Variants in HFM1 observed in about 807,000 individuals in gnomAD.
HFM1 encodes the protein helicase for meiosis 1, also known as probable ATP-dependent DNA helicase HFM1.
Under a neutral mutation model 192.1 loss-of-function variants are expected in HFM1, and 169 were observed. The observed-to-expected ratio is 0.88, with a 90% CI of 0.78 to 1.00. The LOEUF is 1.00. HFM1 is among the 50% of genes least tolerant of loss of function. The pLI, the probability that HFM1 is intolerant of heterozygous loss-of-function variation, is 0.00. For synonymous variants in HFM1, 525 were observed against 537.8 expected (o/e 0.98, Z 0.33); for missense variants, 1,661 against 1,668.0 (o/e 1.00, Z 0.07).
chr1:91,270,544 G>T (rs1227163154), intron 34 of HFM1, among the ~76,000 whole-genome samples: 2 of 150,312 alleles, frequency 1.3e-5, no homozygotes, highest in Non-Finnish European at 3.0e-5. Flanking sequence ...GGGTGATACT[G>T]TATAGGAAAA....
chr1:91,324,743 A>G lies in HFM1; in HGVS notation c.2359T>C (p.Tyr787His). Residue 787 changes from tyrosine (Y) to histidine (H), a missense_variant, in exon 21 of 39, where the codon TAT becomes CAT. By Grantham distance (83) the Tyr-to-His change is moderately conservative (BLOSUM62 2). Transcript: ENST00000370425. ...PTEAGRLMAWYYITFETVKKF... is the reference protein window; with the variant it reads ...PTEAGRLMAWHYITFETVKKF... Reference sequence around the variant, plus strand: ...TTCACTGTCTCAAATGTAATATAATACCAAGCCATCAATCTTCCTGCTTCT... The same window carrying G: ...TTCACTGTCTCAAATGTAATATAATGCCAAGCCATCAATCTTCCTGCTTCT... The G allele has an allele frequency of 6.4e-7, 1 of 1,571,852 alleles. No individual in the cohort carries two copies. The highest frequency in any genetic ancestry group is 8.8e-7 in the Non-Finnish European group (1 of 1,141,912).
chr1:91,379,658 C>T (rs529005394), intron 8 of HFM1, among the ~76,000 whole-genome samples: 2 of 120,374 alleles, frequency 1.7e-5, no homozygotes, highest in Admixed American at 8.4e-5. Context: ...GAAATGATTT[C>T]TCAGGCAAGT....
intron 23 of HFM1, among the ~76,000 whole-genome samples, chr1:91,320,502 C>A (rs1022259668): frequency 6.6e-6 from 1 of 152,046 alleles, no homozygotes; most frequent in Admixed American, 6.6e-5. Flanking sequence ...GTTAAGCTAC[C>A]TAGAGATGCA....
At position 91,328,345 on chromosome 1, in the gene HFM1, T is replaced by G. The variant is rs1416238971; in HGVS notation, c.2336-3579A>C. ...TCAAGCTTTAGCCGCCGAGGCCTCG[T>G]GTCCCAAAGGCCAGTCATCCCTCCT... On this transcript the variant is annotated intron_variant, in intron 20 of 38. Coordinates refer to ENST00000370425, the MANE Select transcript of HFM1 (RefSeq NM_001017975.6). 18 of 1,526,632 alleles carry G rather than the reference T, an allele frequency of 1.2e-5. No homozygotes were observed. The South Asian group carries it at 2.3e-4, about 20-fold the overall frequency. The allele number at this position is 1,526,632 out of a possible 1,614,324, so 94.6% of individuals were successfully genotyped here. A position where few individuals can be genotyped will look rare whatever the true frequency, so the allele number is the denominator to read the frequency against.
intron 13 of HFM1, among the ~76,000 whole-genome samples, chr1:91,370,158 G>C (rs1659968810): frequency 1.3e-5 from 2 of 152,104 alleles, no homozygotes; most frequent in African/African-American, 4.8e-5. Context: ...TTCTACCAGA[G>C]GTACAAGGAG....
At chr1:91,387,114 T>A (rs1662300144) in intron 4 of HFM1, among the ~76,000 whole-genome samples, 1 of 152,184 alleles carries the variant, frequency 6.6e-6, no homozygotes, top group Admixed American at 6.5e-5. Flanking sequence ...AATAAAACAT[T>A]CACATCTTAT....
At chr1:91,318,349 T>A (rs1348527359) in intron 25 of HFM1, among the ~76,000 whole-genome samples, 1 of 152,084 alleles carries the variant, frequency 6.6e-6, no homozygotes, top group Non-Finnish European at 1.5e-5. Context: ...TAACAAAACA[T>A]CCCTAAAAAT....
intron 38 of HFM1, chr1:91,261,630 G>C: frequency 4.6e-6 from 1 of 217,218 alleles, no homozygotes; most frequent in Non-Finnish European, 9.0e-6. Context: ...GAATGGCCTG[G>C]TCCAAGGGAA....
At chr1:91,367,204 C>T (rs544596515) in intron 13 of HFM1, among the ~76,000 whole-genome samples, 121 of 152,316 alleles carry the variant, frequency 7.9e-4, no homozygotes, top group African/African-American at 2.6e-3. Context: ...AAACAAAAGG[C>T]AGCAGAAACC....
At chr1:91,391,126 T>G (rs1662930395) in intron 4 of HFM1, among the ~76,000 whole-genome samples, 1 of 152,094 alleles carries the variant, frequency 6.6e-6, no homozygotes, top group Non-Finnish European at 1.5e-5. Context: ...GGAAGAACAT[T>G]CCATGCTCAT....
rs569126308 is a variant in HFM1 at position 91,343,338 on chromosome 1, G to A, written c.2335+92C>T. The A allele has an allele frequency of 6.0e-5, 32 of 532,610 alleles. 1 individual carries two copies. The South Asian group carries it at 6.5e-4, about 11-fold the overall frequency. 33.0% of individuals were successfully genotyped at this position (532,610 alleles called of 1,614,324 possible). On this transcript the variant is annotated intron_variant, in intron 20 of 38. Coordinates refer to ENST00000370425, the MANE Select transcript of HFM1 (RefSeq NM_001017975.6). ...TGTTGAGAACTGAGATCACAATTTA[G>A]TTTTATCACCATCTAAATTTTAGTA...
Position 91,274,720 on chromosome 1 carries a change from A to G in HFM1, c.3668+10T>C. ...ATATTTTACCTTAGATATTAACATTATATTTGTACCTTGATATACTAGGAA... is the reference window on the plus strand; with the variant it reads ...ATATTTTACCTTAGATATTAACATTGTATTTGTACCTTGATATACTAGGAA... On this transcript the variant is annotated intron_variant, in intron 33 of 38. Transcript: ENST00000370425. 7.5e-7 allele frequency: 1 copy of G among 1,338,638 alleles called. No homozygotes were observed. The highest frequency in any genetic ancestry group is 1.1e-6 in the Non-Finnish European group (1 of 934,620). 82.9% of individuals were successfully genotyped at this position (1,338,638 alleles called of 1,614,324 possible).
chr1:91,381,100 T>C, intron 6 of HFM1, 118 bp from the exon 7 acceptor site: 1 of 589,436 alleles, frequency 1.7e-6, no homozygotes, highest in Non-Finnish European at 3.0e-6. Flanking sequence ...GGTTTTAACA[T>C]TTGCTATCTG....
Position 91,316,137 on chromosome 1 carries a change from C to G in HFM1, c.2946G>C (p.Val982=), listed in dbSNP as rs758598628. 1 of 1,593,458 alleles carries G rather than the reference C, an allele frequency of 6.3e-7. No individual in the cohort carries two copies. Among genetic ancestry groups the G allele is most frequent in the South Asian group, 1.1e-5 (1 of 88,780 alleles). Residue 982 remains valine (V), a synonymous_variant, in exon 27 of 39, where the codon GTG becomes GTC. Coordinates refer to ENST00000370425, the MANE Select transcript of HFM1 (RefSeq NM_001017975.6). ...PPFGTQIKET[V]MYLPKYELKV... Reference sequence around the variant, plus strand: ...TAAGTTCATATTTTGGTAGATACATCACAGTTTCTTTTATCTGGGTTCCAA... The same window carrying G: ...TAAGTTCATATTTTGGTAGATACATGACAGTTTCTTTTATCTGGGTTCCAA...
At chr1:91,360,656 G>C (rs1015353545) in intron 13 of HFM1, among the ~76,000 whole-genome samples, 1 of 152,072 alleles carries the variant, frequency 6.6e-6, no homozygotes, top group African/African-American at 2.4e-5. Context: ...AATTAACAAA[G>C]ATATTCAGGA....
At chr1:91,335,739 G>C (rs1165887412) in intron 20 of HFM1, among the ~76,000 whole-genome samples, 1 of 152,110 alleles carries the variant, frequency 6.6e-6, no homozygotes, top group Non-Finnish European at 1.5e-5. Context: ...GAGGACATGA[G>C]AATGTACCTT....
intron 13 of HFM1, among the ~76,000 whole-genome samples, chr1:91,359,247 G>A (rs1419166877): frequency 1.3e-5 from 2 of 152,166 alleles, no homozygotes; most frequent in African/African-American, 4.8e-5. Context: ...CTGGGCTGGA[G>A]GCTGAGATGG....
intron 20 of HFM1, chr1:91,329,331 G>T: frequency 1.2e-6 from 2 of 1,605,384 alleles, no homozygotes; most frequent in Non-Finnish European, 1.7e-6. Context: ...GTTCTCTGAG[G>T]AGCGAATCCA....
In HFM1 at chr1:91,315,969, T is replaced by C. The variant is rs532368957; in HGVS notation, c.2986A>G (p.Thr996Ala). 6.3e-7 allele frequency: 1 copy of C among 1,582,080 alleles called. No homozygotes were observed. Among genetic ancestry groups the C allele is most frequent in the Non-Finnish European group, 8.7e-7 (1 of 1,154,456 alleles). The change falls in exon 28 of 39, where the codon ACA (threonine) becomes GCA (alanine). Residue 996 changes from threonine (T) to alanine (A), a missense_variant. Physicochemically the swap from Thr to Ala is moderately conservative, Grantham distance 58. Transcript: ENST00000370425. ...TCTGCCGTCGTATCACTATATCTTG[T>C]AATCTTTAAAAAAGGACAAGTATAA... ...PKYELKVEQI[T>A]RYSDTTAEIL...
Sources: gnomAD v4.1 joint callset for allele counts (sites outside exome capture counted in the v4.1 genomes callset) on GRCh38, gnomAD v4.1.1 for gene constraint, MANE v1.5 for transcripts, NCBI Gene and HGNC (gene_info 2026-07-23, HGNC 2026-07-21) for gene names.